KIAA0232: variants seen among roughly 807,000 people sequenced by gnomAD.
KIAA0232 encodes KIAA0232, also known as uncharacterized protein KIAA0232.
Under a neutral mutation model 122.0 loss-of-function variants are expected in KIAA0232, and 27 were observed. The observed-to-expected ratio is 0.22, with a 90% CI of 0.16 to 0.31. KIAA0232 has a LOEUF of 0.31. Ranked by LOEUF, KIAA0232 falls within the 10% of genes least tolerant of loss-of-function variation. The pLI, the probability that KIAA0232 is intolerant of heterozygous loss-of-function variation, is 1.00. For missense variants in KIAA0232, 1,551 were observed against 1,634.2 expected, an observed-to-expected ratio of 0.95 and a Z score of 0.88; for synonymous variants, 613 against 587.6, an observed-to-expected ratio of 1.04 and a Z score of -0.63.
chr4:6,788,964 TTTC>T (rs1716755128), intron 1 of KIAA0232, among the ~76,000 whole-genome samples: 1 of 134,916 alleles, frequency 7.4e-6, no homozygotes, highest in South Asian at 2.4e-4. Flanking sequence ...TCTCATTTTC[TTTC>T]TTTTTTTTTT....
chr4:6,879,557 G>T (rs1012725596), intron 9 of KIAA0232, among the ~76,000 whole-genome samples: 1 of 152,204 alleles, frequency 6.6e-6, no homozygotes, highest in Non-Finnish European at 1.5e-5. Context: ...CTGCCTCAGG[G>T]GTTCTCAACC....
At chr4:6,808,275 A>G (rs1240869061) in intron 2 of KIAA0232, among the ~76,000 whole-genome samples, 8 of 151,492 alleles carry the variant, frequency 5.3e-5, no homozygotes, top group Non-Finnish European at 1.0e-4. Flanking sequence ...TATGTTATAT[A>G]TCCTTTATGC....
chr4:6,828,157 T>C (rs551657875), intron 3 of KIAA0232, among the ~76,000 whole-genome samples: 58 of 152,324 alleles, frequency 3.8e-4, no homozygotes, highest in African/African-American at 1.2e-3. Flanking sequence ...AGAAATCATA[T>C]ATTAATCTTT....
At chr4:6,841,386 A>G (rs749005392) in intron 3 of KIAA0232, among the ~76,000 whole-genome samples, 4 of 152,242 alleles carry the variant, frequency 2.6e-5, no homozygotes, top group African/African-American at 7.2e-5. Flanking sequence ...GTATTAATCT[A>G]CAATATACTG....
chr4:6,834,966 A>C (rs914236449), intron 3 of KIAA0232, among the ~76,000 whole-genome samples: 9 of 152,166 alleles, frequency 5.9e-5, no homozygotes, highest in East Asian at 1.9e-4. Context: ...AACAACAACA[A>C]CACGATCATA....
intron 8 of KIAA0232, 143 bp downstream of exon 8, chr4:6,871,825 C>T: frequency 3.3e-6 from 2 of 605,522 alleles, no homozygotes; most frequent in South Asian, 4.1e-5. Flanking sequence ...GCACTGGGGA[C>T]ACAGGGAGGA....
At chr4:6,823,740 T>C (rs530366904) in intron 2 of KIAA0232, among the ~76,000 whole-genome samples, 7 of 151,476 alleles carry the variant, frequency 4.6e-5, no homozygotes, top group Non-Finnish European at 7.4e-5. Flanking sequence ...AAAAAAAAAT[T>C]GGTATAATTG....
At chr4:6,827,224 T>C (rs892432837) in intron 3 of KIAA0232, among the ~76,000 whole-genome samples, 1 of 152,230 alleles carries the variant, frequency 6.6e-6, no homozygotes, top group Non-Finnish European at 1.5e-5. Flanking sequence ...ATCCCCTGCA[T>C]TGCTTTTCCG....
At chr4:6,864,737 CAAAAAAAAAA>C (rs59573520) in intron 7 of KIAA0232, among the ~76,000 whole-genome samples, 3 of 70,300 alleles carry the variant, frequency 4.3e-5, no homozygotes, top group South Asian at 1.2e-3. Context: ...GACTCCATCT[CAAAAAAAAAA>C]AAAAAAAAAA....
chr4:6,815,835 A>G (rs1718095672), intron 2 of KIAA0232, among the ~76,000 whole-genome samples: 1 of 152,202 alleles, frequency 6.6e-6, no homozygotes, highest in Non-Finnish European at 1.5e-5. Context: ...TAATGCAAGC[A>G]AAGGTTTTAA....
chr4:6,807,125 C>T (rs764062961), intron 2 of KIAA0232, among the ~76,000 whole-genome samples: 14 of 151,950 alleles, frequency 9.2e-5, no homozygotes, highest in Non-Finnish European at 7.4e-5. Flanking sequence ...GCCCTGTACG[C>T]CTGGGCTCAA....
Position 6,871,633 on chromosome 4 carries a change from G to T in KIAA0232, c.3861G>T (p.Trp1287Cys). 1 of 1,613,012 alleles carries T rather than the reference G, an allele frequency of 6.2e-7. No homozygotes were observed. Among genetic ancestry groups the T allele is most frequent in the Non-Finnish European group, 8.5e-7 (1 of 1,178,960 alleles). ...ATAGAAGTCAAGAAAAACAGACCTG[G>T]TGGGAAAAAGCCTTGTACTCTCCTC... ...GMNRSQEKQTWWEKALYSPLF... is the reference protein window; with the variant it reads ...GMNRSQEKQTCWEKALYSPLF... Residue 1287 changes from tryptophan to cysteine, a missense_variant, in exon 8 of 10, where the codon TGG becomes TGT. Around this residue, in one of 5 missense-constraint regions of KIAA0232, gnomAD observed 1,108 missense variants for 1,154.8 expected, o/e 0.96. Transcript: ENST00000307659.
intron 2 of KIAA0232, among the ~76,000 whole-genome samples, chr4:6,812,117 G>A (rs935179821): frequency 6.6e-6 from 1 of 152,126 alleles, no homozygotes; most frequent in Admixed American, 6.5e-5. Flanking sequence ...TTTCTTCCAG[G>A]TAGTGTCTTG....
intron 1 of KIAA0232, among the ~76,000 whole-genome samples, chr4:6,784,865 C>G (rs563535576): frequency 6.6e-6 from 1 of 151,562 alleles, no homozygotes; most frequent in East Asian, 1.9e-4. Flanking sequence ...TTTAACATGA[C>G]GTTAACAGAA....
chr4:6,799,591 G>C (rs1460516565), intron 1 of KIAA0232, among the ~76,000 whole-genome samples: 1 of 152,078 alleles, frequency 6.6e-6, no homozygotes, highest in African/African-American at 2.4e-5. Context: ...GGATGGCATA[G>C]CCTAAGACTA....
intron 1 of KIAA0232, among the ~76,000 whole-genome samples, chr4:6,798,453 A>G (rs575497297): frequency 1.3e-5 from 2 of 152,292 alleles, no homozygotes; most frequent in South Asian, 2.1e-4. Flanking sequence ...GGCTACTACT[A>G]CTTTGAGACA....
chr4:6,861,218 C>G lies in KIAA0232; in HGVS notation c.836C>G (p.Pro279Arg), dbSNP rs1357071122. The change falls in exon 7 of 10, where the codon CCT becomes CGT. Residue 279 changes from proline (P) to arginine (R), a missense_variant. Transcript: ENST00000307659. Reference sequence around the variant, plus strand: ...TACAAAAAGCAAATCCGACATAAACCTGAAGGAAAGATTCGCCCTCGCTCG... The same window carrying G: ...TACAAAAAGCAAATCCGACATAAACGTGAAGGAAAGATTCGCCCTCGCTCG... The part of the protein sequence containing the change: ...ALYKKQIRHK[P>R]EGKIRPRSWS... The G allele has an allele frequency of 3.7e-6, 6 of 1,613,970 alleles. No homozygotes were observed. The highest frequency in any genetic ancestry group is 5.1e-6 in the Non-Finnish European group (6 of 1,180,052).
chr4:6,840,078 A>G (rs960158089), intron 3 of KIAA0232, among the ~76,000 whole-genome samples: 1 of 152,214 alleles, frequency 6.6e-6, no homozygotes, highest in African/African-American at 2.4e-5. Context: ...CTAAAAGTCC[A>G]GAAGTTGGGC....
intron 2 of KIAA0232, among the ~76,000 whole-genome samples, chr4:6,814,054 G>A (rs1260924659): frequency 6.6e-6 from 1 of 152,080 alleles, no homozygotes; most frequent in African/African-American, 2.4e-5. Flanking sequence ...TCTTTAAAAG[G>A]GCTTGCAGTT....
Sources: gnomAD v4.1 joint callset for allele counts (sites outside exome capture counted in the v4.1 genomes callset) on GRCh38, gnomAD v4.1.1 for gene constraint, gnomAD v4.1.1 regional missense constraint, MANE v1.5 for transcripts, NCBI Gene and HGNC (gene_info 2026-07-23, HGNC 2026-07-21) for gene names.